BRAF: variants seen among roughly 807,000 people sequenced by gnomAD.
BRAF encodes the protein serine/threonine-protein kinase B-raf.
A neutral mutation model predicts 104.6 loss-of-function variants in BRAF; 16 were observed. The observed-to-expected ratio is 0.15, with a 90% CI of 0.10 to 0.23. The LOEUF (loss-of-function observed/expected upper bound fraction) is 0.23, where lower values mean the gene tolerates loss of function less well. BRAF is among the 10% of genes least tolerant of loss of function. The probability of loss-of-function intolerance (pLI) is 1.00; values close to 1 mark genes in which losing one functional copy is unlikely to be tolerated. For synonymous variants in BRAF, 310 were observed against 341.6 expected (o/e 0.91, Z 1.02); for missense variants, 541 against 937.3 (o/e 0.58, Z 5.52).
chr7:140,722,815 T>C lies in BRAF; in HGVS notation c.*3679A>G. 2.9e-6 allele frequency: 3 copies of C among 1,052,574 alleles called. No individual in the cohort carries two copies. The highest frequency in any genetic ancestry group is 3.4e-6 in the Non-Finnish European group (3 of 871,266). 65.2% of individuals were successfully genotyped at this position (1,052,574 alleles called of 1,614,324 possible). On this transcript the variant is annotated 3_prime_UTR_variant, in exon 20 of 20. Coordinates refer to ENST00000644969, the MANE Select transcript of BRAF (RefSeq NM_001374258.1). ...TGAAGTGATACCACAGCTATTTAAT[T>C]TCATGCAATTGACTCAAGGTTAAGA...
At chr7:140,920,681 C>T (rs1369884783) in intron 1 of BRAF, among the ~76,000 whole-genome samples, 2 of 152,182 alleles carry the variant, frequency 1.3e-5, no homozygotes, top group Admixed American at 1.3e-4. Context: ...ACAGTTTATT[C>T]CTTTAATGGC....
At chr7:140,866,048 C>CA (rs1311373758) in intron 1 of BRAF, among the ~76,000 whole-genome samples, 1 of 152,150 alleles carries the variant, frequency 6.6e-6, no homozygotes, top group Non-Finnish European at 1.5e-5. Flanking sequence ...ACAAATTCAA[C>CA]AATTGCTCAC....
intron 1 of BRAF, among the ~76,000 whole-genome samples, chr7:140,904,900 C>T (rs961285197): frequency 2.6e-5 from 4 of 152,138 alleles, no homozygotes; most frequent in African/African-American, 9.7e-5. Context: ...AGCCACTGCG[C>T]CTGACCAGAT....
At chr7:140,859,887 C>T (rs1399989774) in intron 1 of BRAF, among the ~76,000 whole-genome samples, 7 of 152,120 alleles carry the variant, frequency 4.6e-5, no homozygotes, top group Non-Finnish European at 1.0e-4. Flanking sequence ...CAGGATTTCA[C>T]CATATTGGCC....
chr7:140,742,775 G>A (rs531065976), intron 17 of BRAF, among the ~76,000 whole-genome samples: 1 of 152,208 alleles, frequency 6.6e-6, no homozygotes, highest in Admixed American at 6.5e-5. Flanking sequence ...TACCATCAGA[G>A]TGAACAGGCA....
intron 16 of BRAF, among the ~76,000 whole-genome samples, chr7:140,749,811 A>AACTACTGTAGTAAATGTT (rs1797645618): frequency 6.6e-6 from 1 of 152,212 alleles, no homozygotes; most frequent in Non-Finnish European, 1.5e-5. Context: ...GGAGCAGCAC[A>AACTACTGTAGTAAATGTT]ACTACTGTAG....
At chr7:140,835,001 A>C (rs1562985744) in intron 2 of BRAF, 129 bp from the exon 3 acceptor site, 1 of 997,026 alleles carries the variant, frequency 1.0e-6, no homozygotes, top group Non-Finnish European at 1.5e-6. Flanking sequence ...CAAATTACAA[A>C]ATAAGTGCCA....
intron 3 of BRAF, chr7:140,823,706 T>G (rs1427453644): frequency 1.3e-5 from 2 of 152,200 alleles, no homozygotes; most frequent in Admixed American, 6.5e-5. Context: ...ATATGGTAAT[T>G]CTATTTTTAG....
chr7:140,832,875 CTTT>C (rs543780550), intron 3 of BRAF, among the ~76,000 whole-genome samples: 11 of 138,012 alleles, frequency 8.0e-5, no homozygotes, highest in African/African-American at 1.8e-4. Context: ...CTAGTTAAAC[CTTT>C]TTTTTTTTTT....
At chr7:140,915,732 A>G (rs1817554700) in intron 1 of BRAF, among the ~76,000 whole-genome samples, 1 of 151,414 alleles carries the variant, frequency 6.6e-6, no homozygotes, top group Non-Finnish European at 1.5e-5. Flanking sequence ...CACCGTGACC[A>G]GCCTAATTAA....
At chr7:140,872,028 C>T (rs941290769) in intron 1 of BRAF, among the ~76,000 whole-genome samples, 1 of 152,016 alleles carries the variant, frequency 6.6e-6, no homozygotes, top group African/African-American at 2.4e-5. Context: ...ACTAGCCTGA[C>T]CAACATGGTG....
intron 1 of BRAF, among the ~76,000 whole-genome samples, chr7:140,903,779 GGAA>G (rs747057141): frequency 5.9e-5 from 9 of 152,146 alleles, no homozygotes; most frequent in Non-Finnish European, 1.0e-4. Flanking sequence ...ACAGGAGTTT[GGAA>G]GAAGTTGATT....
intron 8 of BRAF, among the ~76,000 whole-genome samples, chr7:140,788,105 C>T (rs890873523): frequency 6.6e-6 from 1 of 152,112 alleles, no homozygotes; most frequent in Non-Finnish European, 1.5e-5. Flanking sequence ...ACCTACGTAA[C>T]AACCCTGCAC....
intron 5 of BRAF, among the ~76,000 whole-genome samples, chr7:140,802,471 A>G (rs1453939132): frequency 2.0e-5 from 3 of 150,850 alleles, no homozygotes; most frequent in African/African-American, 4.9e-5. Flanking sequence ...TAATTTTCCT[A>G]TTTTTTATTA....
At chr7:140,761,823 C>T (rs1198942774) in intron 14 of BRAF, among the ~76,000 whole-genome samples, 1 of 152,158 alleles carries the variant, frequency 6.6e-6, no homozygotes, top group Non-Finnish European at 1.5e-5. Context: ...GGGACCAATT[C>T]AACAAGAAGA....
chr7:140,776,519 T>C (rs1800351543), intron 14 of BRAF, among the ~76,000 whole-genome samples: 1 of 152,200 alleles, frequency 6.6e-6, no homozygotes, highest in East Asian at 1.9e-4. Context: ...TAACTGACCA[T>C]TTTGCAACCA....
chr7:140,877,827 AT>A (rs1173715359), intron 1 of BRAF, among the ~76,000 whole-genome samples: 1 of 152,178 alleles, frequency 6.6e-6, no homozygotes, highest in African/African-American at 2.4e-5. Context: ...GATATCTTTT[AT>A]ATTCACAAGA....
intron 1 of BRAF, among the ~76,000 whole-genome samples, chr7:140,854,381 A>G (rs986617518): frequency 6.6e-6 from 1 of 152,206 alleles, no homozygotes; most frequent in African/African-American, 2.4e-5. Flanking sequence ...ATGCAATTAA[A>G]GCTGAAGATT....
intron 1 of BRAF, among the ~76,000 whole-genome samples, chr7:140,921,047 T>C (rs1411882119): frequency 6.6e-6 from 1 of 152,190 alleles, no homozygotes; most frequent in Non-Finnish European, 1.5e-5. Flanking sequence ...CAATACATTA[T>C]TATAATTAAA....
Sources: allele counts gnomAD v4.1 joint callset (sites outside exome capture counted in the v4.1 genomes callset), GRCh38; gene constraint gnomAD v4.1.1; transcripts MANE v1.5; gene names NCBI Gene and HGNC (gene_info 2026-07-23, HGNC 2026-07-21).